Variants in EBF2 observed in about 807,000 individuals in gnomAD.
EBF2 encodes the protein transcription factor COE2.
In EBF2, 21 loss-of-function variants were observed where a neutral mutation model predicts 72.8. That is an observed-to-expected ratio of 0.29 (90% CI 0.20 to 0.42). The LOEUF (loss-of-function observed/expected upper bound fraction) is 0.42. Ranked by LOEUF, EBF2 falls within the 10% of genes least tolerant of loss-of-function variation. The pLI is 1.00. For missense variants in EBF2, 637 were observed against 731.2 expected (o/e 0.87, Z 1.49); for synonymous variants, 299 against 274.2 (o/e 1.09, Z -0.89).
At chr8:25,928,927 A>T (rs1021230) in intron 6 of EBF2, among the ~76,000 whole-genome samples, 41,034 of 151,974 alleles carry the variant, frequency 0.27, 6,582 homozygotes, top group African/African-American at 0.44. Flanking sequence ...GGGCTCTAAC[A>T]TGCAGAATGC....
At chr8:25,980,574 G>A (rs1420711218) in intron 6 of EBF2, among the ~76,000 whole-genome samples, 1 of 152,084 alleles carries the variant, frequency 6.6e-6, no homozygotes, top group East Asian at 1.9e-4. Flanking sequence ...GGATCCCAGT[G>A]GCACCATAGA....
intron 6 of EBF2, among the ~76,000 whole-genome samples, chr8:25,929,710 A>G (rs1803449880): frequency 6.6e-6 from 1 of 152,208 alleles, no homozygotes; most frequent in Non-Finnish European, 1.5e-5. Context: ...GGACGTCTAA[A>G]CACACATGAG....
intron 10 of EBF2, among the ~76,000 whole-genome samples, chr8:25,879,944 C>T (rs1001443506): frequency 6.6e-6 from 1 of 152,146 alleles, no homozygotes; most frequent in Non-Finnish European, 1.5e-5. Context: ...TTTATTAGTG[C>T]AGTTGGGACT....
chr8:25,900,893 C>T (rs1344569645), intron 7 of EBF2, among the ~76,000 whole-genome samples: 2 of 151,944 alleles, frequency 1.3e-5, no homozygotes, highest in Non-Finnish European at 2.9e-5. Flanking sequence ...GAAGGTGTAA[C>T]GTCTAATATT....
intron 6 of EBF2, among the ~76,000 whole-genome samples, chr8:25,971,688 T>C (rs1421777305): frequency 6.6e-6 from 1 of 152,220 alleles, no homozygotes; most frequent in African/African-American, 2.4e-5. Context: ...AACTTTATCT[T>C]TGGCTTGTTA....
chr8:25,965,782 A>G (rs1410630417), intron 6 of EBF2, among the ~76,000 whole-genome samples: 1 of 152,226 alleles, frequency 6.6e-6, no homozygotes, highest in East Asian at 1.9e-4. Context: ...GGCAGTCACC[A>G]CAGCTCTCCC....
intron 14 of EBF2, 81 bp downstream of exon 14, chr8:25,858,238 G>T: frequency 1.3e-6 from 2 of 1,533,652 alleles, no homozygotes; most frequent in Non-Finnish European, 1.8e-6. Context: ...ATTTACAAAT[G>T]CAACTTTCTC....
chr8:25,895,923 ATG>A (rs71868613), intron 7 of EBF2, among the ~76,000 whole-genome samples: 22,281 of 149,562 alleles, frequency 0.15, 1,745 homozygotes, highest in African/African-American at 0.2. Context: ...CCGTGTGTGT[ATG>A]TGTGTGTGTG....
chr8:25,941,048 G>T (rs1335060941), intron 6 of EBF2, among the ~76,000 whole-genome samples: 4 of 152,030 alleles, frequency 2.6e-5, no homozygotes, highest in Admixed American at 2.6e-4. Flanking sequence ...TATTGATAGG[G>T]CACTCTATGT....
At chr8:25,906,638 G>A (rs1803037544) in intron 7 of EBF2, among the ~76,000 whole-genome samples, 1 of 152,068 alleles carries the variant, frequency 6.6e-6, no homozygotes, top group East Asian at 1.9e-4. Context: ...GTGGTGGCAT[G>A]TGCCTGTAGT....
intron 15 of EBF2, among the ~76,000 whole-genome samples, chr8:25,846,416 G>A (rs947540981): frequency 3.3e-5 from 5 of 152,198 alleles, no homozygotes; most frequent in East Asian, 3.9e-4. Flanking sequence ...GGCTGGGCAC[G>A]GTGGCTAACA....
intron 10 of EBF2, among the ~76,000 whole-genome samples, chr8:25,868,833 T>C (rs920502578): frequency 6.6e-6 from 1 of 152,178 alleles, no homozygotes; most frequent in Admixed American, 6.5e-5. Flanking sequence ...AATATTTTAT[T>C]TTTCCTAATT....
At position 25,844,594 on chromosome 8, in the gene EBF2, G is replaced by T; in HGVS notation, c.*15C>A. The T allele has an allele frequency of 1.2e-6, 2 of 1,613,882 alleles. No individual in the cohort carries two copies. Among genetic ancestry groups the T allele is most frequent in the Non-Finnish European group, 1.7e-6 (2 of 1,179,802 alleles). ...CAGAGTAAGTAGTTTTGTGCTATAAGAAAGCAGTTCTTCTTTACATCGGGG... is the reference window on the plus strand; with the variant it reads ...CAGAGTAAGTAGTTTTGTGCTATAATAAAGCAGTTCTTCTTTACATCGGGG... On this transcript the variant is annotated 3_prime_UTR_variant, in exon 16 of 16. Transcript: ENST00000520164.
intron 6 of EBF2, among the ~76,000 whole-genome samples, chr8:25,910,875 G>A (rs7819105): frequency 0.81 from 122,566 of 152,136 alleles, 49,498 homozygotes; most frequent in East Asian, 0.88. Context: ...GCATTACATA[G>A]TATCTTCTAA....
intron 6 of EBF2, among the ~76,000 whole-genome samples, chr8:25,934,497 A>G (rs1270679312): frequency 6.6e-6 from 1 of 152,164 alleles, no homozygotes; most frequent in Non-Finnish European, 1.5e-5. Context: ...GTCATTTGGA[A>G]GGGAAGAGAG....
At chr8:25,953,437 T>A (rs1803895284) in intron 6 of EBF2, among the ~76,000 whole-genome samples, 1 of 152,202 alleles carries the variant, frequency 6.6e-6, no homozygotes, top group South Asian at 2.1e-4. Context: ...AGAGAGAGAA[T>A]AAGCTCCTCC....
intron 6 of EBF2, among the ~76,000 whole-genome samples, chr8:25,957,340 C>A (rs75353464): frequency 0.015 from 2,335 of 152,290 alleles, 67 homozygotes; most frequent in African/African-American, 0.053. Flanking sequence ...CTAAAATACA[C>A]TGGGTAGGTG....
intron 6 of EBF2, among the ~76,000 whole-genome samples, chr8:25,932,429 G>A (rs905017981): frequency 6.6e-6 from 1 of 150,926 alleles, no homozygotes; most frequent in African/African-American, 2.4e-5. Flanking sequence ...TGAATCTGGA[G>A]CAGACATTAA....
Position 25,901,403 on chromosome 8 carries a change from A to C in EBF2, c.633+7071T>G, listed in dbSNP as rs1433106000. Among the ~76,000 whole-genome samples, 5 of 149,070 alleles carry C rather than the reference A, an allele frequency of 3.4e-5. No homozygotes were observed. In the East Asian group the frequency reaches 9.9e-4, roughly 30 times the overall value. Reference sequence around the variant, plus strand: ...TACCACTGCACTCCAGCTTGAGCAAAAGAGTGACATCTTGTCTCAAAAAAA... The same window carrying C: ...TACCACTGCACTCCAGCTTGAGCAACAGAGTGACATCTTGTCTCAAAAAAA... On this transcript the variant is annotated intron_variant, in intron 7 of 15. Coordinates refer to ENST00000520164, the MANE Select transcript of EBF2 (RefSeq NM_022659.4).
Sources: allele counts gnomAD v4.1 joint callset (sites outside exome capture counted in the v4.1 genomes callset), GRCh38; gene constraint gnomAD v4.1.1; transcripts MANE v1.5; gene names NCBI Gene and HGNC (gene_info 2026-07-23, HGNC 2026-07-21).